The following NT5M variants were observed in gnomAD, a reference collection of about 807,000 sequenced individuals.
NT5M encodes the protein 5',3'-nucleotidase, mitochondrial.
Under a neutral mutation model 22.2 loss-of-function variants are expected in NT5M, and 22 were observed. That is an observed-to-expected ratio of 0.99 (90% CI 0.71 to 1.41). The LOEUF (loss-of-function observed/expected upper bound fraction) is 1.41. NT5M is among the 40% of genes most tolerant of loss of function. The probability of loss-of-function intolerance (pLI) is 0.00; values close to 1 mark genes in which losing one functional copy is unlikely to be tolerated. For synonymous variants in NT5M, 167 were observed against 133.0 expected, an observed-to-expected ratio of 1.26 and a Z score of -1.76; for missense variants, 322 against 314.8, an observed-to-expected ratio of 1.02 and a Z score of -0.17.
Position 17,320,850 on chromosome 17 carries a change from C to T in NT5M, c.369-2335C>T, listed in dbSNP as rs368366781. 1.5e-4 allele frequency among the ~76,000 whole-genome samples: 23 copies of T among 152,020 alleles called. No homozygotes were observed. The South Asian group carries it at 2.5e-3, about 16-fold the overall frequency. ...GGATAGGGGAGCCCAGGAGAGCTGG[C>T]GTGGCCAGCTGGGCTGAGTACCTGT... is the stretch of plus-strand genomic sequence containing the variant. On this transcript the variant is annotated intron_variant, in intron 2 of 4. Transcript: ENST00000389022.
At chr17:17,332,439 TC>T (rs2049407872) in intron 3 of NT5M, among the ~76,000 whole-genome samples, 1 of 152,190 alleles carries the variant, frequency 6.6e-6, no homozygotes, top group Admixed American at 6.5e-5. Context: ...TTCATGGACT[TC>T]CTGCCTGCAC....
intron 2 of NT5M, among the ~76,000 whole-genome samples, chr17:17,309,128 T>C (rs2048871310): frequency 1.1e-5 from 1 of 94,970 alleles, no homozygotes; most frequent in African/African-American, 6.2e-5. Flanking sequence ...TCTTTCTTTC[T>C]TTTTTTTTTT....
chr17:17,305,038 T>C (rs1766521174), intron 1 of NT5M, among the ~76,000 whole-genome samples: 1 of 152,134 alleles, frequency 6.6e-6, no homozygotes, highest in Non-Finnish European at 1.5e-5. Context: ...CCCTGGTACT[T>C]TCTGCAGCCT....
chr17:17,319,038 C>CTAAA (rs2049096051), intron 2 of NT5M, among the ~76,000 whole-genome samples: 1 of 151,632 alleles, frequency 6.6e-6, no homozygotes, highest in Admixed American at 6.6e-5. Context: ...TGGTGAAACC[C>CTAAA]CACCTCTACT....
intron 2 of NT5M, among the ~76,000 whole-genome samples, chr17:17,315,138 A>T (rs573120122): frequency 2.5e-3 from 385 of 151,914 alleles, no homozygotes; most frequent in African/African-American, 4.1e-3. Flanking sequence ...TTAAAAAAAA[A>T]TTTTTTTTTA....
In NT5M at chr17:17,347,128, C is replaced by A; in HGVS notation, c.*181C>A. 1.3e-6 allele frequency: 1 copy of A among 763,074 alleles called. No homozygotes were observed. Among genetic ancestry groups the A allele is most frequent in the African/African-American group, 1.8e-5 (1 of 56,776 alleles). 47.3% of individuals were successfully genotyped at this position (763,074 alleles called of 1,614,324 possible). ...GCCTTAACCTGATCACGGGGCAGGG[C>A]TGGGCCCTCTGGGCGCTTGGACATA... On this transcript the variant is annotated 3_prime_UTR_variant, in exon 5 of 5. Coordinates refer to ENST00000389022, the MANE Select transcript of NT5M (RefSeq NM_020201.4).
intron 2 of NT5M, among the ~76,000 whole-genome samples, chr17:17,320,126 G>A (rs1467835376): frequency 1.3e-5 from 2 of 152,230 alleles, no homozygotes; most frequent in Non-Finnish European, 2.9e-5. Context: ...ACAGGCGTGA[G>A]CCACCACGCC....
chr17:17,306,027 G>A (rs1243864433), intron 1 of NT5M, among the ~76,000 whole-genome samples: 1 of 152,034 alleles, frequency 6.6e-6, no homozygotes, highest in Non-Finnish European at 1.5e-5. Context: ...ATATAAAACC[G>A]ATAAAAGCAG....
chr17:17,315,660 C>A (rs1712024927), intron 2 of NT5M, among the ~76,000 whole-genome samples: 1 of 146,744 alleles, frequency 6.8e-6, no homozygotes, highest in South Asian at 2.2e-4. Context: ...GGACAGCTGG[C>A]ACTGGAACTT....
chr17:17,334,478 GT>G (rs35096596), intron 3 of NT5M, among the ~76,000 whole-genome samples: 1,523 of 120,018 alleles, frequency 0.013, 34 homozygotes, highest in African/African-American at 0.044. Flanking sequence ...AGTTACTGTA[GT>G]TTTTTTTTTT....
chr17:17,338,677 GTTTTTTTTTTTTT>G (rs59650601), intron 3 of NT5M, among the ~76,000 whole-genome samples: 1 of 73,220 alleles, frequency 1.4e-5, no homozygotes. Context: ...AATGTTAAGG[GTTTTTTTTTTTTT>G]TTTTTTTTTG....
intron 4 of NT5M, 79 bp from the exon 5 acceptor site, chr17:17,346,726 T>C: frequency 6.4e-7 from 1 of 1,571,766 alleles, no homozygotes. Flanking sequence ...GATGCCTGCC[T>C]GGATACCCAG....
chr17:17,325,024 T>A (rs2049235837), intron 3 of NT5M, among the ~76,000 whole-genome samples: 1 of 152,064 alleles, frequency 6.6e-6, no homozygotes, highest in South Asian at 2.1e-4. Flanking sequence ...TGGAGACTCC[T>A]TAGGAGTGGA....
intron 2 of NT5M, among the ~76,000 whole-genome samples, chr17:17,319,088 G>A (rs536830852): frequency 4.2e-4 from 64 of 151,826 alleles, no homozygotes; most frequent in African/African-American, 6.8e-4. Context: ...GTGGGTGCCT[G>A]TAATCCCAGC....
In NT5M at chr17:17,347,154, G is replaced by A. The variant is rs2049778310; in HGVS notation, c.*207G>A. 1.5e-6 allele frequency: 1 copy of A among 655,802 alleles called. No individual in the cohort carries two copies. Among genetic ancestry groups the A allele is most frequent in the Non-Finnish European group, 2.5e-6 (1 of 394,506 alleles). 40.6% of individuals were successfully genotyped at this position (655,802 alleles called of 1,614,324 possible). A position where few individuals can be genotyped will look rare whatever the true frequency, so the allele number is the denominator to read the frequency against. On this transcript the variant is annotated 3_prime_UTR_variant, in exon 5 of 5. Coordinates refer to ENST00000389022, the MANE Select transcript of NT5M (RefSeq NM_020201.4). The stretch of plus-strand genomic sequence containing the variant: ...TGGGCCCTCTGGGCGCTTGGACATA[G>A]ACACGTGGTCCCAGGCCGTTCAGCC...
At chr17:17,342,885 A>G (rs1450587139) in intron 3 of NT5M, among the ~76,000 whole-genome samples, 1 of 152,230 alleles carries the variant, frequency 6.6e-6, no homozygotes, top group African/African-American at 2.4e-5. Context: ...CCTGTTGACC[A>G]TCGTCTCTCT....
At chr17:17,324,848 G>A (rs1031212419) in intron 3 of NT5M, among the ~76,000 whole-genome samples, 4 of 152,222 alleles carry the variant, frequency 2.6e-5, no homozygotes, top group Middle Eastern at 3.4e-3. Context: ...GCCGGCCTTC[G>A]CTGACCCCCT....
At chr17:17,343,532 G>A (rs191309979) in intron 3 of NT5M, among the ~76,000 whole-genome samples, 15 of 152,262 alleles carry the variant, frequency 9.9e-5, no homozygotes, top group Admixed American at 7.8e-4. Context: ...TGGGACTCCT[G>A]AAGCGACCTC....
chr17:17,339,537 C>T (rs1220030710), intron 3 of NT5M, among the ~76,000 whole-genome samples: 2 of 152,110 alleles, frequency 1.3e-5, no homozygotes, highest in Non-Finnish European at 2.9e-5. Context: ...AGTAGGCATT[C>T]TTGTCATGTT....
Sources: allele counts gnomAD v4.1 joint callset (sites outside exome capture counted in the v4.1 genomes callset), GRCh38; gene constraint gnomAD v4.1.1; transcripts MANE v1.5; gene names NCBI Gene and HGNC (gene_info 2026-07-23, HGNC 2026-07-21).